IFRD1: variants seen among roughly 807,000 people sequenced by gnomAD.
The protein encoded by IFRD1 is interferon-related developmental regulator 1.
Under a neutral mutation model 52.9 loss-of-function variants are expected in IFRD1, and 35 were observed. The observed-to-expected ratio is 0.66, with a 90% CI of 0.51 to 0.88. IFRD1 has a LOEUF of 0.88. Among genes scored for constraint, IFRD1 ranks in the 40% least tolerant of loss-of-function variants. The pLI is 0.00. For synonymous variants in IFRD1, 184 were observed against 188.4 expected, an observed-to-expected ratio of 0.98 and a Z score of 0.19; for missense variants, 517 against 550.8, an observed-to-expected ratio of 0.94 and a Z score of 0.61.
chr7:112,464,579 A>G (rs904937113), intron 8 of IFRD1, among the ~76,000 whole-genome samples: 4 of 152,196 alleles, frequency 2.6e-5, no homozygotes, highest in African/African-American at 7.2e-5. Context: ...AGAACACATG[A>G]TAGGTACAGT....
At chr7:112,448,436 A>T (rs1795078895), upstream of IFRD1, among the ~76,000 whole-genome samples, 1 of 152,210 alleles carries the variant, frequency 6.6e-6, no homozygotes, top group African/African-American at 2.4e-5. Context: ...CCTTATGTAT[A>T]GTATAAATTG....
At position 112,443,876 on chromosome 7, in the gene IFRD1, A is replaced by AC. The variant is rs1260058378; in HGVS notation, c.-181-6632_-181-6631insC. Reference sequence around the variant, plus strand: ...AAACTCTGTTTCAAAAAAAAAAAAAAACCCAAAAAACAAACACCATCCCCC... The same window carrying AC: ...AAACTCTGTTTCAAAAAAAAAAAAAACACCCAAAAAACAAACACCATCCCCC... On this transcript the variant is annotated intron_variant, in intron 1 of 12. Transcript: ENST00000005558. 3.4e-3 allele frequency among the ~76,000 whole-genome samples: 519 copies of AC among 151,364 alleles called. 4 individuals are homozygous for AC. Among genetic ancestry groups the AC allele is most frequent in the African/African-American group, 0.012 (499 of 41,230 alleles).
intron 3 of IFRD1, among the ~76,000 whole-genome samples, chr7:112,456,424 A>C (rs994203317): frequency 6.6e-6 from 1 of 152,196 alleles, no homozygotes; most frequent in Non-Finnish European, 1.5e-5. Context: ...ACTAGAAATG[A>C]TAACGAAACC....
intron 1 of IFRD1, among the ~76,000 whole-genome samples, chr7:112,426,642 T>C (rs540834703): frequency 6.6e-6 from 1 of 152,236 alleles, no homozygotes; most frequent in South Asian, 2.1e-4. Flanking sequence ...AAAAATTAAT[T>C]CAGGCCATGA....
At chr7:112,451,114 T>G in intron 1 of IFRD1, 4 of 291,602 alleles carry the variant, frequency 1.4e-5, no homozygotes, top group South Asian at 1.1e-4. Flanking sequence ...GGCGGCGATC[T>G]CGCCCGATCT....
chr7:112,474,918 T>C (rs1319558153), intron 11 of IFRD1, among the ~76,000 whole-genome samples: 1 of 152,212 alleles, frequency 6.6e-6, no homozygotes, highest in African/African-American at 2.4e-5. Flanking sequence ...TTTTACAATT[T>C]GATTAGTACT....
intron 9 of IFRD1, among the ~76,000 whole-genome samples, chr7:112,468,806 A>C: frequency 6.6e-6 from 1 of 152,180 alleles, no homozygotes; most frequent in Non-Finnish European, 1.5e-5. Flanking sequence ...GATCTTCATG[A>C]TCTTTCTAGG....
At chr7:112,460,554 C>G (rs1332586610) in intron 5 of IFRD1, among the ~76,000 whole-genome samples, 1 of 152,052 alleles carries the variant, frequency 6.6e-6, no homozygotes, top group African/African-American at 2.4e-5. Context: ...AGTCCTAGTT[C>G]TTTAATTGGC....
intron 1 of IFRD1, among the ~76,000 whole-genome samples, chr7:112,431,053 A>G (rs1794537052): frequency 6.6e-6 from 1 of 151,414 alleles, no homozygotes; most frequent in Non-Finnish European, 1.5e-5. Flanking sequence ...ATCCTAGAAC[A>G]TTTTCTGCTT....
intron 1 of IFRD1, among the ~76,000 whole-genome samples, chr7:112,445,391 G>A (rs534144789): frequency 3.9e-5 from 6 of 152,040 alleles, no homozygotes; most frequent in East Asian, 1.9e-4. Context: ...CACAACAGAC[G>A]CACTGTTTAC....
rs527859687 is a variant in IFRD1, at chr7:112,450,665, C to G, written c.-24C>G. ...GGCTGATCCTCGCTAAGCTCCGACT[C>G]TGGGCGGCACCGGGCGTCCCACGAT... is the stretch of plus-strand genomic sequence containing the variant. On this transcript the variant is annotated 5_prime_UTR_variant, in exon 1 of 12. Coordinates refer to ENST00000403825, the MANE Select transcript of IFRD1 (RefSeq NM_001550.4). 3.1e-6 allele frequency: 5 copies of G among 1,593,540 alleles called. No homozygotes were observed. Among genetic ancestry groups the G allele is most frequent in the East Asian group, 2.2e-5 (1 of 44,790 alleles).
intron 5 of IFRD1, among the ~76,000 whole-genome samples, chr7:112,460,537 C>G (rs1363837341): frequency 6.6e-6 from 1 of 152,098 alleles, no homozygotes; most frequent in African/African-American, 2.4e-5. Context: ...AGCCACCGCA[C>G]CCAGCCAGTC....
chr7:112,427,441 A>T (rs1353928028), intron 1 of IFRD1, among the ~76,000 whole-genome samples: 1 of 152,218 alleles, frequency 6.6e-6, no homozygotes. Context: ...GGATTTTTAC[A>T]TGTGAGAGAA....
At chr7:112,452,873 T>C (rs1284018614) in intron 1 of IFRD1, among the ~76,000 whole-genome samples, 1 of 152,252 alleles carries the variant, frequency 6.6e-6, no homozygotes, top group African/African-American at 2.4e-5. Flanking sequence ...ATACATGCTT[T>C]GAATATCTTT....
rs1442425148 is a variant in IFRD1 at position 112,435,280 on chromosome 7, T to C, written c.-182+11848T>C. ...ATCTCTGAAAGCTTCAGAGTTGTCA[T>C]AGTGACCATCAAATTGTGAGGCACT... On this transcript the variant is annotated intron_variant, in intron 1 of 12. Coordinates refer to the IFRD1 transcript ENST00000005558. 2.0e-5 allele frequency among the ~76,000 whole-genome samples: 3 copies of C among 152,208 alleles called. No individual in the cohort carries two copies. In the South Asian group the frequency reaches 6.2e-4, roughly 32 times the overall value.
rs2286298 is a variant in IFRD1 at position 112,470,946 on chromosome 7, A to G, written c.1042-1273A>G. ...ATGCAGAACCAACCAGATATGGAGG[A>G]TTGACTATATATGTAAAAGATTGAG... On this transcript the variant is annotated intron_variant, in intron 9 of 11. Transcript: ENST00000403825. 2.2e-4 allele frequency among the ~76,000 whole-genome samples: 33 copies of G among 152,232 alleles called. 1 individual carries two copies. The East Asian group carries it at 5.4e-3, about 25-fold the overall frequency.
At chr7:112,467,176 T>C (rs980995413) in intron 8 of IFRD1, among the ~76,000 whole-genome samples, 1 of 152,174 alleles carries the variant, frequency 6.6e-6, no homozygotes, top group Non-Finnish European at 1.5e-5. Context: ...GTTAAATGAT[T>C]CTTAACCTCT....
intron 9 of IFRD1, among the ~76,000 whole-genome samples, chr7:112,468,441 G>A (rs1298693138): frequency 5.9e-5 from 9 of 152,142 alleles, no homozygotes; most frequent in Admixed American, 5.9e-4. Flanking sequence ...AGTGTACAGT[G>A]TTTTTTGTGA....
chr7:112,438,677 A>G (rs1289107272), intron 1 of IFRD1, among the ~76,000 whole-genome samples: 1 of 152,206 alleles, frequency 6.6e-6, no homozygotes, highest in African/African-American at 2.4e-5. Flanking sequence ...TCCTTCGCCA[A>G]AAAAGACGAG....
Sources: gnomAD v4.1 joint callset for allele counts (sites outside exome capture counted in the v4.1 genomes callset) on GRCh38, gnomAD v4.1.1 for gene constraint, MANE v1.5 for transcripts, NCBI Gene and HGNC (gene_info 2026-07-23, HGNC 2026-07-21) for gene names.